OXCT1: variants seen among roughly 807,000 people sequenced by gnomAD.
OXCT1 encodes succinyl-CoA:3-ketoacid coenzyme A transferase 1, mitochondrial.
Under a neutral mutation model 69.6 loss-of-function variants are expected in OXCT1, and 27 were observed. The ratio of observed to expected loss-of-function variants is 0.39; its 90% CI spans 0.29 to 0.54. The LOEUF is 0.54. Among genes scored for constraint, OXCT1 ranks in the 20% least tolerant of loss-of-function variants. The pLI is 0.72. For missense variants in OXCT1, 437 were observed against 650.2 expected (o/e 0.67, Z 3.57); for synonymous variants, 202 against 217.8 (o/e 0.93, Z 0.64).
chr5:41,768,537 G>C (rs922634981), intron 13 of OXCT1, among the ~76,000 whole-genome samples: 1 of 152,154 alleles, frequency 6.6e-6, no homozygotes, highest in Non-Finnish European at 1.5e-5. Flanking sequence ...TCCTGGCTCA[G>C]TTAATGGCCA....
chr5:41,820,353 C>T (rs982850963), intron 7 of OXCT1, among the ~76,000 whole-genome samples: 22 of 152,026 alleles, frequency 1.4e-4, no homozygotes, highest in South Asian at 2.1e-4. Flanking sequence ...AGAATGATTT[C>T]GCAATACTTT....
At chr5:41,867,692 CAACT>C (rs1750060284) in intron 1 of OXCT1, among the ~76,000 whole-genome samples, 2 of 152,146 alleles carry the variant, frequency 1.3e-5, no homozygotes, top group Non-Finnish European at 2.9e-5. Context: ...CTTTAAGCAC[CAACT>C]GACATCCAAG....
At chr5:41,733,421 A>G (rs1335260509) in intron 16 of OXCT1, among the ~76,000 whole-genome samples, 1 of 151,922 alleles carries the variant, frequency 6.6e-6, no homozygotes, top group Non-Finnish European at 1.5e-5. Flanking sequence ...TAATTTTTGT[A>G]TATTTAGTAG....
chr5:41,817,948 G>T (rs1010525529), intron 7 of OXCT1, among the ~76,000 whole-genome samples: 1 of 152,214 alleles, frequency 6.6e-6, no homozygotes, highest in Non-Finnish European at 1.5e-5. Context: ...CCATCAGGAA[G>T]AACCACTGAA....
At chr5:41,779,492 C>T (rs1745291218) in intron 13 of OXCT1, among the ~76,000 whole-genome samples, 1 of 152,122 alleles carries the variant, frequency 6.6e-6, no homozygotes, top group Non-Finnish European at 1.5e-5. Context: ...CTGGACCATA[C>T]TGTATTAGAC....
chr5:41,848,723 C>G (rs1171744150), intron 5 of OXCT1, among the ~76,000 whole-genome samples: 1 of 151,732 alleles, frequency 6.6e-6, no homozygotes, highest in Admixed American at 6.6e-5. Context: ...GGAAAACTGG[C>G]TAGCCATATG....
At chr5:41,818,656 G>A (rs946897772) in intron 7 of OXCT1, among the ~76,000 whole-genome samples, 4 of 152,080 alleles carry the variant, frequency 2.6e-5, no homozygotes, top group African/African-American at 9.7e-5. Flanking sequence ...TTTTGGTTGT[G>A]TACCTGGATT....
intron 16 of OXCT1, among the ~76,000 whole-genome samples, chr5:41,732,933 T>G (rs1742707921): frequency 6.6e-6 from 1 of 152,184 alleles, no homozygotes. Context: ...CTTCCATTTT[T>G]GTACTAAAAT....
intron 4 of OXCT1, 21 bp from the exon 5 acceptor site, chr5:41,850,200 C>T (rs773636298): frequency 1.2e-5 from 20 of 1,612,706 alleles, no homozygotes; most frequent in Non-Finnish European, 1.5e-5. Flanking sequence ...GCAACCAACA[C>T]CCCATAAGTT....
At chr5:41,766,137 G>A (rs1382992124) in intron 13 of OXCT1, among the ~76,000 whole-genome samples, 1 of 152,046 alleles carries the variant, frequency 6.6e-6, no homozygotes, top group Non-Finnish European at 1.5e-5. Flanking sequence ...TCTGAAATGC[G>A]TTCTGGCTAG....
intron 13 of OXCT1, among the ~76,000 whole-genome samples, chr5:41,792,400 C>G (rs770788600): frequency 1.1e-4 from 17 of 152,162 alleles, no homozygotes; most frequent in Non-Finnish European, 1.9e-4. Flanking sequence ...CTCAAACCCT[C>G]ACTTTATAGA....
At chr5:41,763,316 G>A (rs1215623419) in intron 13 of OXCT1, among the ~76,000 whole-genome samples, 1 of 152,098 alleles carries the variant, frequency 6.6e-6, no homozygotes, top group African/African-American at 2.4e-5. Flanking sequence ...GGCAACAGCT[G>A]GGGGACAAGG....
chr5:41,807,475 G>T, intron 7 of OXCT1, 37 bp from the exon 8 acceptor site: 1 of 1,188,468 alleles, frequency 8.4e-7, no homozygotes. Flanking sequence ...GTTAGTGAAA[G>T]CTTAAAGTGA....
At chr5:41,787,000 A>G (rs1303333153) in intron 13 of OXCT1, among the ~76,000 whole-genome samples, 7 of 152,226 alleles carry the variant, frequency 4.6e-5, no homozygotes, top group Non-Finnish European at 1.0e-4. Flanking sequence ...GCTGCCCCTT[A>G]AACAATCCCA....
intron 16 of OXCT1, among the ~76,000 whole-genome samples, chr5:41,738,990 T>C (rs1190632230): frequency 6.6e-6 from 1 of 152,216 alleles, no homozygotes; most frequent in Admixed American, 6.5e-5. Flanking sequence ...AAGTCATAGA[T>C]GGGTTTAAAA....
intron 15 of OXCT1, among the ~76,000 whole-genome samples, chr5:41,748,441 T>A (rs1477222445): frequency 6.6e-6 from 1 of 152,072 alleles, no homozygotes; most frequent in East Asian, 1.9e-4. Context: ...GGTAAAAGAT[T>A]GCTTTGCTTT....
At chr5:41,777,575 C>T (rs1429044880) in intron 13 of OXCT1, among the ~76,000 whole-genome samples, 1 of 152,176 alleles carries the variant, frequency 6.6e-6, no homozygotes, top group Non-Finnish European at 1.5e-5. Context: ...TTATGTTGAA[C>T]TTATTGCACT....
chr5:41,836,860 A>G (rs571792423), intron 7 of OXCT1, among the ~76,000 whole-genome samples: 1 of 152,260 alleles, frequency 6.6e-6, no homozygotes, highest in Admixed American at 6.5e-5. Flanking sequence ...CTTGGTCTAG[A>G]ACACATCTGA....
intron 11 of OXCT1, among the ~76,000 whole-genome samples, chr5:41,796,110 A>T (rs946858073): frequency 9.2e-5 from 14 of 152,190 alleles, no homozygotes; most frequent in African/African-American, 3.1e-4. Flanking sequence ...AACTTCCAAG[A>T]GGTCCCCTTG....
Sources: allele counts gnomAD v4.1 joint callset (sites outside exome capture counted in the v4.1 genomes callset), GRCh38; gene constraint gnomAD v4.1.1; transcripts MANE v1.5; gene names NCBI Gene and HGNC (gene_info 2026-07-23, HGNC 2026-07-21).